SLIT3: variants seen among roughly 807,000 people sequenced by gnomAD.
SLIT3 encodes slit homolog 3 protein.
Under a neutral mutation model 184.0 loss-of-function variants are expected in SLIT3, and 68 were observed. That is an observed-to-expected ratio of 0.37 (90% CI 0.30 to 0.45). The LOEUF (loss-of-function observed/expected upper bound fraction) is 0.45, where lower values mean the gene tolerates loss of function less well. SLIT3 is among the 20% of genes least tolerant of loss of function. SLIT3 has a pLI of 1.00. For missense variants in SLIT3, 1,707 were observed against 2,026.0 expected, an observed-to-expected ratio of 0.84 and a Z score of 3.02; for synonymous variants, 831 against 828.6, an observed-to-expected ratio of 1.00 and a Z score of -0.05.
chr5:169,114,422 C>A (rs1408868324), intron 4 of SLIT3, among the ~76,000 whole-genome samples: 1 of 152,150 alleles, frequency 6.6e-6, no homozygotes, highest in Non-Finnish European at 1.5e-5. Context: ...AGCAGCCTGG[C>A]TCAAAGGTCT....
chr5:169,270,039 C>G (rs1446757590), intron 1 of SLIT3, among the ~76,000 whole-genome samples: 1 of 152,144 alleles, frequency 6.6e-6, no homozygotes, highest in African/African-American at 2.4e-5. Context: ...TGAAAATTCT[C>G]TTTACTCTTA....
intron 1 of SLIT3, among the ~76,000 whole-genome samples, chr5:169,287,954 C>T (rs554972766): frequency 2.0e-5 from 3 of 152,330 alleles, no homozygotes; most frequent in South Asian, 2.1e-4. Context: ...TCTTCCCCAT[C>T]GCCTACCCCA....
chr5:169,255,009 G>A (rs989749845), intron 1 of SLIT3, among the ~76,000 whole-genome samples: 1 of 152,194 alleles, frequency 6.6e-6, no homozygotes, highest in Non-Finnish European at 1.5e-5. Flanking sequence ...GGTCCCATAA[G>A]ATCATAACGG....
chr5:168,673,161 G>A lies in SLIT3; in HGVS notation c.3841+16C>T, dbSNP rs1414325674. 1.2e-6 allele frequency: 2 copies of A among 1,613,214 alleles called. No individual in the cohort carries two copies. The highest frequency in any genetic ancestry group is 1.3e-5 in the African/African-American group (1 of 75,022). On this transcript the variant is annotated intron_variant, in intron 33 of 35. Transcript: ENST00000519560. ...GGCCAGAGGGAGGTAGAGGTGGTAG[G>A]GAAAGAGGGCATTACCTCCAAGGTA...
chr5:169,219,102 G>GCTGC (rs1764538019), intron 3 of SLIT3, among the ~76,000 whole-genome samples: 1 of 152,150 alleles, frequency 6.6e-6, no homozygotes. Flanking sequence ...ACACACCAGC[G>GCTGC]CTGCCGCCTT....
chr5:169,281,208 C>T (rs1766980958), intron 1 of SLIT3, among the ~76,000 whole-genome samples: 1 of 152,188 alleles, frequency 6.6e-6, no homozygotes, highest in Non-Finnish European at 1.5e-5. Flanking sequence ...TAGGGGGAGG[C>T]TGGGCGCAGT....
intron 24 of SLIT3, among the ~76,000 whole-genome samples, chr5:168,711,537 A>T (rs540258886): frequency 9.9e-5 from 15 of 151,120 alleles, no homozygotes; most frequent in East Asian, 3.9e-4. Flanking sequence ...TTTTTTTTTT[A>T]AATTATATCC....
intron 3 of SLIT3, among the ~76,000 whole-genome samples, chr5:169,212,081 T>G (rs1764284139): frequency 6.6e-6 from 1 of 152,242 alleles, no homozygotes; most frequent in Non-Finnish European, 1.5e-5. Flanking sequence ...GCAATAAACA[T>G]ACATGTGCAT....
At chr5:168,785,859 C>G in intron 12 of SLIT3, 48 bp downstream of exon 12, 2 of 1,367,878 alleles carry the variant, frequency 1.5e-6, no homozygotes, top group Non-Finnish European at 2.1e-6. Context: ...CAGGTGGGAG[C>G]CTTCCGACAG....
At position 169,300,925 on chromosome 5, in the gene SLIT3, C is replaced by A. The variant is rs1276731788; in HGVS notation, c.-216G>T. On this transcript the variant is annotated 5_prime_UTR_variant, in exon 1 of 36. Transcript: ENST00000519560. This position sits in a 1 kb window ranked among gnomAD's most constrained non-coding sequence, Gnocchi z 4.1. Reference sequence around the variant, plus strand: ...GCAACAGCAGCTCCATCGGCGGGGCCGGCGCTGCCCCGCTGCGCATCGCTG... The same window carrying A: ...GCAACAGCAGCTCCATCGGCGGGGCAGGCGCTGCCCCGCTGCGCATCGCTG... The A allele has an allele frequency of 2.5e-5, 6 of 242,492 alleles. No homozygotes were observed. Among genetic ancestry groups the A allele is most frequent in the Non-Finnish European group, 4.6e-5 (6 of 129,844 alleles). The allele number at this position is 242,492 out of a possible 1,614,324, so 15.0% of individuals were successfully genotyped here. A position where few individuals can be genotyped will look rare whatever the true frequency, so the allele number is the denominator to read the frequency against.
chr5:168,826,490 T>C (rs1454333504), intron 6 of SLIT3, among the ~76,000 whole-genome samples: 1 of 152,224 alleles, frequency 6.6e-6, no homozygotes. Flanking sequence ...GAAGGAATTG[T>C]TGTTACAACC....
At chr5:168,761,057 G>A (rs988635793) in intron 15 of SLIT3, 121 bp from the exon 16 acceptor site, 15 of 747,420 alleles carry the variant, frequency 2.0e-5, no homozygotes, top group Admixed American at 6.2e-5. Flanking sequence ...CAGAGCCATC[G>A]GAAGCTTTGA....
Position 168,818,416 on chromosome 5 carries a change from G to T in SLIT3, c.630-953C>A, listed in dbSNP as rs1037575724. ...CAGGGAGGCAAACTAAGGATATCCA[G>T]GGGCTTCTAAGGCAAACTACGGATA... On this transcript the variant is annotated intron_variant, in intron 7 of 35. Transcript: ENST00000519560. 3.3e-4 allele frequency among the ~76,000 whole-genome samples: 50 copies of T among 152,268 alleles called. 1 individual carries two copies. Among genetic ancestry groups the T allele is most frequent in the African/African-American group, 1.1e-3 (47 of 41,548 alleles).
At chr5:169,271,783 A>T (rs1766627824) in intron 1 of SLIT3, among the ~76,000 whole-genome samples, 1 of 152,238 alleles carries the variant, frequency 6.6e-6, no homozygotes, top group Non-Finnish European at 1.5e-5. Context: ...AGTCTCCTTT[A>T]GCCTCTCAGA....
chr5:169,167,843 A>T (rs1366693645), intron 4 of SLIT3, among the ~76,000 whole-genome samples: 1 of 152,122 alleles, frequency 6.6e-6, no homozygotes, highest in Non-Finnish European at 1.5e-5. Flanking sequence ...CCTAGTCCCC[A>T]GTCTGTTGTC....
chr5:169,074,844 C>A (rs1293782954), intron 4 of SLIT3, among the ~76,000 whole-genome samples: 1 of 152,136 alleles, frequency 6.6e-6, no homozygotes, highest in African/African-American at 2.4e-5. Flanking sequence ...TGGGACAAGG[C>A]CCCCAAGGGC....
At chr5:168,804,812 A>T (rs1174676654) in intron 9 of SLIT3, among the ~76,000 whole-genome samples, 1 of 152,194 alleles carries the variant, frequency 6.6e-6, no homozygotes, top group African/African-American at 2.4e-5. Flanking sequence ...GTTTCAATCA[A>T]GGTAAAGCCA....
chr5:168,743,225 G>T (rs1189820875), intron 20 of SLIT3, among the ~76,000 whole-genome samples: 1 of 152,038 alleles, frequency 6.6e-6, no homozygotes, highest in African/African-American at 2.4e-5. Context: ...TTGCTTTATT[G>T]CACTTTGTAG....
chr5:168,788,798 G>A (rs944963388), intron 11 of SLIT3, among the ~76,000 whole-genome samples: 39 of 152,036 alleles, frequency 2.6e-4, no homozygotes, highest in African/African-American at 9.2e-4. Context: ...ACAGTACCTG[G>A]TACCCAGTCA....
Sources: gnomAD v4.1 joint callset for allele counts (sites outside exome capture counted in the v4.1 genomes callset) on GRCh38, gnomAD v4.1.1 for gene constraint, Gnocchi (gnomAD v3.1) non-coding constraint, MANE v1.5 for transcripts, NCBI Gene and HGNC (gene_info 2026-07-23, HGNC 2026-07-21) for gene names.